Variants in MTHFD1L observed in about 807,000 individuals in gnomAD.
MTHFD1L encodes the protein monofunctional C1-tetrahydrofolate synthase, mitochondrial.
Under a neutral mutation model 119.5 loss-of-function variants are expected in MTHFD1L, and 81 were observed. The ratio of observed to expected loss-of-function variants is 0.68; its 90% CI spans 0.57 to 0.82. The LOEUF is 0.82. MTHFD1L is among the 40% of genes least tolerant of loss of function. The pLI is 0.00. For missense variants in MTHFD1L, 1,125 were observed against 1,253.4 expected, an observed-to-expected ratio of 0.90 and a Z score of 1.55; for synonymous variants, 430 against 475.2, an observed-to-expected ratio of 0.90 and a Z score of 1.24.
chr6:150,883,314 A>G (rs893096274), intron 5 of MTHFD1L, among the ~76,000 whole-genome samples: 4 of 152,212 alleles, frequency 2.6e-5, no homozygotes, highest in Admixed American at 6.5e-5. Context: ...TACAGGCGTG[A>G]GCCACCGTGT....
intron 11 of MTHFD1L, among the ~76,000 whole-genome samples, chr6:150,932,189 T>C (rs1231878421): frequency 8.9e-6 from 1 of 112,794 alleles, no homozygotes; most frequent in Non-Finnish European, 1.7e-5. Context: ...AAAAAAAGCA[T>C]CATTCCATTG....
At chr6:150,896,516 G>A (rs1784247154) in intron 7 of MTHFD1L, among the ~76,000 whole-genome samples, 2 of 152,170 alleles carry the variant, frequency 1.3e-5, no homozygotes, top group Admixed American at 6.5e-5. Context: ...TCACAGCCTT[G>A]TACTTAGCGA....
chr6:150,877,884 C>A, intron 4 of MTHFD1L, 58 bp downstream of exon 4: 1 of 1,586,478 alleles, frequency 6.3e-7, no homozygotes, highest in Non-Finnish European at 8.7e-7. Flanking sequence ...ACTTAATAGG[C>A]CCATTGGCGT....
At chr6:150,997,223 G>A (rs1176940657) in intron 20 of MTHFD1L, among the ~76,000 whole-genome samples, 1 of 152,196 alleles carries the variant, frequency 6.6e-6, no homozygotes, top group Non-Finnish European at 1.5e-5. Flanking sequence ...CCACGGGCTA[G>A]TGCCTGAGCC....
chr6:151,043,157 A>C (rs1226445274), intron 26 of MTHFD1L, among the ~76,000 whole-genome samples: 1 of 152,000 alleles, frequency 6.6e-6, no homozygotes, highest in Non-Finnish European at 1.5e-5. Flanking sequence ...AGCAAATGCA[A>C]GATTGTTTTT....
chr6:151,023,049 T>G lies in MTHFD1L; in HGVS notation c.2586+7356T>G, dbSNP rs1401238921. 5.1e-5 allele frequency among the ~76,000 whole-genome samples: 4 copies of G among 78,536 alleles called. No homozygotes were observed. The South Asian group carries it at 9.8e-4, about 19-fold the overall frequency. 51.5% of individuals were successfully genotyped at this position (78,536 alleles called of 152,430 possible). On this transcript the variant is annotated intron_variant, in intron 24 of 27. Transcript: ENST00000367321. The stretch of plus-strand genomic sequence containing the variant: ...GTTGGTTGGTTGGTTGGTTTTTGGG[T>G]TTTTTTTTTTTTTTTGAGGCAGAGT...
intron 7 of MTHFD1L, among the ~76,000 whole-genome samples, chr6:150,891,059 C>T (rs1219871279): frequency 6.6e-6 from 1 of 152,196 alleles, no homozygotes; most frequent in Non-Finnish European, 1.5e-5. Context: ...GAACTCGGCT[C>T]ACTGCAACCT....
chr6:150,945,658 G>T (rs1297732688), intron 15 of MTHFD1L, 117 bp downstream of exon 15: 8 of 922,070 alleles, frequency 8.7e-6, no homozygotes, highest in Non-Finnish European at 1.4e-5. Flanking sequence ...TATCCTTTTG[G>T]GTATTAAACT....
chr6:150,932,114 A>T (rs1021063822), intron 11 of MTHFD1L, among the ~76,000 whole-genome samples: 1 of 140,756 alleles, frequency 7.1e-6, no homozygotes, highest in African/African-American at 2.7e-5. Flanking sequence ...ATGAGCAGAG[A>T]TCACACCATT....
intron 20 of MTHFD1L, among the ~76,000 whole-genome samples, chr6:150,983,346 C>G (rs1777814371): frequency 6.6e-6 from 1 of 152,030 alleles, no homozygotes; most frequent in South Asian, 2.1e-4. Context: ...TGCATTGAGG[C>G]CTTTAATCAT....
At position 150,887,867 on chromosome 6, in the gene MTHFD1L, G is replaced by A; in HGVS notation, c.666G>A (p.Lys222=). The A allele has an allele frequency of 6.2e-7, 1 of 1,605,192 alleles. No individual in the cohort carries two copies. The highest frequency in any genetic ancestry group is 8.5e-7 in the Non-Finnish European group (1 of 1,176,640). ...EKSGVNLDGK[K]ILVVGAHGSL... ...TAGGTGTCAACCTAGATGGAAAGAA[G>A]ATTTTGGTAGTGGGGGCCCATGGGT... Residue 222 remains lysine (K), a synonymous_variant, in exon 7 of 28, where the codon AAG becomes AAA. Transcript: ENST00000367321.
intron 7 of MTHFD1L, among the ~76,000 whole-genome samples, chr6:150,901,370 A>G (rs175870): frequency 0.69 from 105,162 of 152,178 alleles, 37,510 homozygotes; most frequent in African/African-American, 0.86. Context: ...CCAGCTACTT[A>G]GAGGCTGAGG....
chr6:151,044,131 CG>C (rs1044923836), intron 26 of MTHFD1L, among the ~76,000 whole-genome samples: 17 of 152,012 alleles, frequency 1.1e-4, no homozygotes, highest in Non-Finnish European at 2.4e-4. Flanking sequence ...TTCTCCCAAT[CG>C]GAGGAAAGGG....
intron 26 of MTHFD1L, among the ~76,000 whole-genome samples, chr6:151,038,470 T>A (rs1456139887): frequency 6.6e-6 from 1 of 152,136 alleles, no homozygotes; most frequent in Non-Finnish European, 1.5e-5. Context: ...CAGGGTCACA[T>A]GGCCAAGGAT....
chr6:151,084,440 G>A (rs1180686557), intron 26 of MTHFD1L, among the ~76,000 whole-genome samples: 2 of 152,118 alleles, frequency 1.3e-5, no homozygotes, highest in Middle Eastern at 3.2e-3. Flanking sequence ...CTGGGGTCGG[G>A]GCTGGGGGAA....
At chr6:150,962,914 C>CT (rs4035893) in intron 18 of MTHFD1L, among the ~76,000 whole-genome samples, 15,587 of 113,990 alleles carry the variant, frequency 0.14, 1,375 homozygotes, top group African/African-American at 0.22. Context: ...CTTTTCTTTT[C>CT]TTTTTTTTTT....
chr6:150,904,760 C>T (rs1241085534), intron 7 of MTHFD1L, among the ~76,000 whole-genome samples: 10 of 152,162 alleles, frequency 6.6e-5, no homozygotes, highest in East Asian at 1.9e-4. Flanking sequence ...ATGTTCCTCC[C>T]GCACTGGATG....
chr6:151,041,212 G>A (rs1197663883), intron 26 of MTHFD1L, among the ~76,000 whole-genome samples: 1 of 152,240 alleles, frequency 6.6e-6, no homozygotes, highest in Non-Finnish European at 1.5e-5. Context: ...CTATGACAGA[G>A]CAGGAAGCTG....
chr6:150,871,750 C>T (rs1401664527), intron 1 of MTHFD1L, among the ~76,000 whole-genome samples: 1 of 151,660 alleles, frequency 6.6e-6, no homozygotes, highest in African/African-American at 2.4e-5. Context: ...GATCCGCCCA[C>T]TTCGGCCTCC....
Sources: gnomAD v4.1 joint callset for allele counts (sites outside exome capture counted in the v4.1 genomes callset) on GRCh38, gnomAD v4.1.1 for gene constraint, MANE v1.5 for transcripts, NCBI Gene and HGNC (gene_info 2026-07-23, HGNC 2026-07-21) for gene names.